Variants in SOBP observed in about 807,000 individuals in gnomAD.
The protein encoded by SOBP is sine oculis-binding protein homolog.
In SOBP, 4 loss-of-function variants were observed where a neutral mutation model predicts 53.6. That is an observed-to-expected ratio of 0.07 (90% confidence interval 0.04 to 0.17). SOBP has a LOEUF of 0.17. Among genes scored for constraint, SOBP ranks in the 10% least tolerant of loss-of-function variants. SOBP has a pLI of 1.00. For missense variants in SOBP, 1,088 were observed against 1,204.7 expected (o/e 0.90, Z 1.43); for synonymous variants, 584 against 522.6 (o/e 1.12, Z -1.60).
At chr6:107,540,263 C>G (rs1441236295) in intron 4 of SOBP, among the ~76,000 whole-genome samples, 1 of 152,248 alleles carries the variant, frequency 6.6e-6, no homozygotes, top group Admixed American at 6.5e-5. Context: ...TTAATTTCTC[C>G]TCCATTTCAA....
At chr6:107,577,546 A>G (rs891925258) in intron 4 of SOBP, among the ~76,000 whole-genome samples, 3 of 152,260 alleles carry the variant, frequency 2.0e-5, no homozygotes, top group African/African-American at 7.2e-5. Context: ...ACCGAATGCC[A>G]GGAATACAGG....
intron 5 of SOBP, among the ~76,000 whole-genome samples, chr6:107,612,561 T>C (rs906965791): frequency 6.6e-6 from 1 of 151,914 alleles, no homozygotes; most frequent in African/African-American, 2.4e-5. Flanking sequence ...AACTGGAGAG[T>C]GGGGCCCAGG....
At chr6:107,532,615 C>T (rs943794362) in intron 3 of SOBP, among the ~76,000 whole-genome samples, 7 of 152,284 alleles carry the variant, frequency 4.6e-5, no homozygotes, top group African/African-American at 1.4e-4. Context: ...AAAAGAAATA[C>T]AATTTAAATA....
chr6:107,525,805 G>C (rs1330641480), intron 3 of SOBP, among the ~76,000 whole-genome samples: 1 of 152,120 alleles, frequency 6.6e-6, no homozygotes, highest in Non-Finnish European at 1.5e-5. Flanking sequence ...ACACACAAGA[G>C]AGAATGAGAC....
rs143237616 is a variant in SOBP at position 107,651,046 on chromosome 6, G to A, written c.*4-7161G>A. Among the ~76,000 whole-genome samples the A allele has an allele frequency of 7.1e-3, 1,078 of 152,196 alleles. 18 individuals carry two copies. The highest frequency in any genetic ancestry group is 0.024 in the East Asian group (124 of 5,168). Reference sequence around the variant, plus strand: ...TTTGGGAGGCTGAGGCTGGCGGATCGCTTGAGCCCAGGAGTTCAAGATTAG... The same window carrying A: ...TTTGGGAGGCTGAGGCTGGCGGATCACTTGAGCCCAGGAGTTCAAGATTAG... On this transcript the variant is annotated intron_variant, in intron 6 of 6. Coordinates refer to ENST00000317357, the MANE Select transcript of SOBP (RefSeq NM_018013.4).
At chr6:107,605,777 C>G (rs952917645) in intron 5 of SOBP, among the ~76,000 whole-genome samples, 1 of 152,174 alleles carries the variant, frequency 6.6e-6, no homozygotes, top group African/African-American at 2.4e-5. Flanking sequence ...CAAAATGTGG[C>G]CCACCCACCG....
intron 5 of SOBP, among the ~76,000 whole-genome samples, chr6:107,628,612 A>C (rs750135694): frequency 6.6e-6 from 1 of 152,204 alleles, no homozygotes; most frequent in African/African-American, 2.4e-5. Context: ...CTAGCACACA[A>C]TCATTAGACT....
At chr6:107,539,833 A>T (rs1013118802) in intron 4 of SOBP, among the ~76,000 whole-genome samples, 1 of 151,978 alleles carries the variant, frequency 6.6e-6, no homozygotes, top group Non-Finnish European at 1.5e-5. Context: ...ATGAGCGTTT[A>T]AAGAATTATC....
intron 5 of SOBP, chr6:107,621,090 A>T: frequency 2.7e-6 from 2 of 751,726 alleles, no homozygotes; most frequent in Non-Finnish European, 3.2e-6. Flanking sequence ...TTGTCTGTTT[A>T]CAGATTTCTG....
At chr6:107,498,854 G>A (rs1438728508) in intron 1 of SOBP, among the ~76,000 whole-genome samples, 1 of 152,120 alleles carries the variant, frequency 6.6e-6, no homozygotes, top group African/African-American at 2.4e-5. Flanking sequence ...ATGAACACTA[G>A]AGGTGAGAGA....
At chr6:107,556,640 A>C (rs1449703153) in intron 4 of SOBP, among the ~76,000 whole-genome samples, 1 of 152,272 alleles carries the variant, frequency 6.6e-6, no homozygotes, top group Non-Finnish European at 1.5e-5. Flanking sequence ...ATGCGTGCCT[A>C]ACAAAGCAAG....
intron 3 of SOBP, among the ~76,000 whole-genome samples, chr6:107,510,125 A>T (rs1443054053): frequency 1.3e-5 from 2 of 152,174 alleles, no homozygotes; most frequent in Non-Finnish European, 1.5e-5. Context: ...TTTAGACCAT[A>T]CTGTCTCTAT....
rs111599759 is a variant in SOBP at position 107,547,396 on chromosome 6, G to A, written c.573+13786G>A. Among the ~76,000 whole-genome samples the A allele has an allele frequency of 6.8e-3, 1,028 of 152,258 alleles. 5 individuals are homozygous for A. The highest frequency in any genetic ancestry group is 8.4e-3 in the Non-Finnish European group (572 of 68,010). On this transcript the variant is annotated intron_variant, in intron 4 of 6. Coordinates refer to ENST00000317357, the MANE Select transcript of SOBP (RefSeq NM_018013.4). ...AATTTTTAAAAGCAGACAAAAGTACGTCAAACAATATGCTGATAATCAAGC... is the reference window on the plus strand; with the variant it reads ...AATTTTTAAAAGCAGACAAAAGTACATCAAACAATATGCTGATAATCAAGC...
In SOBP at chr6:107,634,694, G is replaced by A. The variant is rs756274178; in HGVS notation, c.1850G>A (p.Arg617Gln). ...GCGCCCACGCCCGCCGAGCATGGCC[G>A]GAGCGAGGTGGTGGACCTGACGCGG... The part of the protein sequence containing the change: ...SLAPTPAEHG[R>Q]SEVVDLTRRA... Residue 617 changes from arginine to glutamine, a missense_variant, in exon 6 of 7, where the codon CGG becomes CAG. Arg to Gln is a conservative substitution (Grantham distance 43). Coordinates refer to ENST00000317357, the MANE Select transcript of SOBP (RefSeq NM_018013.4). The surrounding 1 kb of genome is among the most constrained non-coding windows in gnomAD (Gnocchi z 4.5). 29 of 1,514,658 alleles carry A rather than the reference G, an allele frequency of 1.9e-5. No individual in the cohort carries two copies. Among genetic ancestry groups the A allele is most frequent in the African/African-American group, 2.8e-5 (2 of 70,646 alleles). 93.8% of individuals were successfully genotyped at this position (1,514,658 alleles called of 1,614,324 possible).
intron 3 of SOBP, among the ~76,000 whole-genome samples, chr6:107,528,484 TC>T (rs1367997921): frequency 6.6e-6 from 1 of 152,198 alleles, no homozygotes; most frequent in Non-Finnish European, 1.5e-5. Context: ...GCCTGTCTTA[TC>T]ATTTAATGTT....
intron 4 of SOBP, among the ~76,000 whole-genome samples, chr6:107,586,683 A>G (rs962534371): frequency 2.0e-5 from 3 of 152,210 alleles, no homozygotes; most frequent in Admixed American, 6.5e-5. Context: ...CCTTGCTATT[A>G]GAATTTTTTA....
In SOBP at chr6:107,647,559, A is replaced by G. The variant is rs192650121; in HGVS notation, c.*4-10648A>G. Among the ~76,000 whole-genome samples the G allele has an allele frequency of 4.6e-5, 7 of 152,372 alleles. No homozygotes were observed. In the East Asian group the frequency reaches 1.3e-3, roughly 29 times the overall value. On this transcript the variant is annotated intron_variant, in intron 6 of 6. Coordinates refer to ENST00000317357, the MANE Select transcript of SOBP (RefSeq NM_018013.4). ...ACTTCTTCCCTTGGATGTGTAATGG[A>G]AAATAATGAAACACTTCCACGTTGT...
intron 5 of SOBP, among the ~76,000 whole-genome samples, chr6:107,619,863 G>A (rs937803299): frequency 5.9e-5 from 9 of 152,132 alleles, no homozygotes; most frequent in Non-Finnish European, 1.2e-4. Context: ...TTAACCACCA[G>A]GAGGGAGTAT....
chr6:107,575,421 G>C (rs1196226738), intron 4 of SOBP, among the ~76,000 whole-genome samples: 4 of 152,162 alleles, frequency 2.6e-5, no homozygotes, highest in African/African-American at 4.8e-5. Flanking sequence ...CCCCAGTGGG[G>C]TCCAGCCTTC....
Sources: gnomAD v4.1 joint callset for allele counts (sites outside exome capture counted in the v4.1 genomes callset) on GRCh38, gnomAD v4.1.1 for gene constraint, Gnocchi (gnomAD v3.1) non-coding constraint, MANE v1.5 for transcripts, NCBI Gene and HGNC (gene_info 2026-07-23, HGNC 2026-07-21) for gene names.